Variants in ASB1 observed in about 807,000 individuals in gnomAD.
The protein encoded by ASB1 is ankyrin repeat and SOCS box containing 1.
Under a neutral mutation model 27.7 loss-of-function variants are expected in ASB1, and 18 were observed. The ratio of observed to expected loss-of-function variants is 0.65; its 90% CI spans 0.45 to 0.96. The LOEUF (loss-of-function observed/expected upper bound fraction) is 0.96, where lower values mean the gene tolerates loss of function less well. Among genes scored for constraint, ASB1 ranks in the 50% least tolerant of loss-of-function variants. The probability of loss-of-function intolerance (pLI) is 0.00; values close to 1 mark genes in which losing one functional copy is unlikely to be tolerated. For synonymous variants in ASB1, 189 were observed against 187.6 expected, an observed-to-expected ratio of 1.01 and a Z score of -0.06; for missense variants, 397 against 451.7, an observed-to-expected ratio of 0.88 and a Z score of 1.10.
chr2:238,446,297 G>A (rs1702178751), intron 4 of ASB1, 87 bp from the exon 5 acceptor site: 2 of 1,453,476 alleles, frequency 1.4e-6, no homozygotes, highest in South Asian at 1.4e-5. Flanking sequence ...GTGCACTTCT[G>A]GCTGGCAGTC....
chr2:238,435,325 G>T (rs912442234), intron 2 of ASB1: 4 of 219,288 alleles, frequency 1.8e-5, no homozygotes, highest in Non-Finnish European at 2.7e-5. Context: ...CTGGGGAAGA[G>T]CAGCCTAGGG....
chr2:238,433,442 T>G (rs904331366), intron 1 of ASB1, 112 bp from the exon 2 acceptor site: 1 of 1,303,060 alleles, frequency 7.7e-7, no homozygotes, highest in African/African-American at 1.5e-5. Flanking sequence ...TCTTGAGCAT[T>G]TGAAGGTGCC....
At chr2:238,443,440 A>G (rs1179154518) in intron 3 of ASB1, among the ~76,000 whole-genome samples, 1 of 152,142 alleles carries the variant, frequency 6.6e-6, no homozygotes, top group East Asian at 1.9e-4. Context: ...TTTCAGACAC[A>G]TTGTATCCTC....
intron 4 of ASB1, among the ~76,000 whole-genome samples, chr2:238,445,192 T>G (rs938823586): frequency 1.3e-5 from 2 of 152,036 alleles, no homozygotes; most frequent in Non-Finnish European, 2.9e-5. Flanking sequence ...TTGCCCAGGC[T>G]TGTGTTGAAC....
At chr2:238,433,455 G>A (rs41264155) in intron 1 of ASB1, 99 bp from the exon 2 acceptor site, 152,373 of 1,433,046 alleles carry the variant, frequency 0.11, 9,229 homozygotes, top group Non-Finnish European at 0.12. Flanking sequence ...AAGGTGCCCC[G>A]TAGCTGGGAG....
At chr2:238,442,409 G>A (rs867659511) in intron 3 of ASB1, among the ~76,000 whole-genome samples, 11 of 152,206 alleles carry the variant, frequency 7.2e-5, no homozygotes, top group African/African-American at 1.9e-4. Flanking sequence ...ACCACGCCCC[G>A]CCCCATCTCT....
intron 3 of ASB1, among the ~76,000 whole-genome samples, chr2:238,438,756 T>C (rs576396332): frequency 6.6e-6 from 1 of 152,364 alleles, no homozygotes; most frequent in African/African-American, 2.4e-5. Context: ...TCTTTCACTG[T>C]TGCAATTTTC....
intron 3 of ASB1, among the ~76,000 whole-genome samples, chr2:238,438,654 A>G (rs1559414352): frequency 1.3e-5 from 2 of 152,258 alleles, no homozygotes; most frequent in South Asian, 4.1e-4. Context: ...CTTGGATAGT[A>G]GAGTGATACG....
At position 238,444,418 on chromosome 2, in the gene ASB1, T is replaced by C. The variant is rs1331963672; in HGVS notation, c.571T>C (p.Leu191=). ...TCGATTCTCCCGGCGGCTCACCTCC[T>C]TGGTGGTCTGCCCCTTGTACATCAG... ...QPRFSRRLTS[L]VVCPLYISAA... is the part of the protein sequence containing the mutation. Residue 191 remains leucine (L), a synonymous_variant, in exon 4 of 5, where the codon TTG becomes CTG. Transcript: ENST00000264607. The C allele has an allele frequency of 1.2e-6, 2 of 1,613,872 alleles. No individual in the cohort carries two copies. Among genetic ancestry groups the C allele is most frequent in the Non-Finnish European group, 1.7e-6 (2 of 1,179,930 alleles).
intron 1 of ASB1, among the ~76,000 whole-genome samples, chr2:238,431,794 G>A (rs62196702): frequency 6.6e-6 from 1 of 152,168 alleles, no homozygotes; most frequent in African/African-American, 2.4e-5. Context: ...CACAGACCAC[G>A]TTGATGGATT....
At position 238,447,787 on chromosome 2, in the gene ASB1, T is replaced by G. The variant is rs1702207951; in HGVS notation, c.*1276T>G. 1.3e-5 allele frequency: 2 copies of G among 152,244 alleles called. No individual in the cohort carries two copies. The highest frequency in any genetic ancestry group is 2.9e-5 in the Non-Finnish European group (2 of 68,046). 9.4% of individuals were successfully genotyped at this position (152,244 alleles called of 1,614,324 possible). A position where few individuals can be genotyped will look rare whatever the true frequency, so the allele number is the denominator to read the frequency against. Reference sequence around the variant, plus strand: ...TTTTCTGTAATAAGAGAAATCCAATTTGTAAAACTTGAACAATGATACCGT... The same window carrying G: ...TTTTCTGTAATAAGAGAAATCCAATGTGTAAAACTTGAACAATGATACCGT... On this transcript the variant is annotated 3_prime_UTR_variant, in exon 5 of 5. Coordinates refer to ENST00000264607, the MANE Select transcript of ASB1 (RefSeq NM_001040445.3).
chr2:238,429,937 C>A (rs901636349), intron 1 of ASB1, among the ~76,000 whole-genome samples: 383 of 132,394 alleles, frequency 2.9e-3, no homozygotes, highest in African/African-American at 5.0e-3. Context: ...GACTCCGTCT[C>A]AAAAAAAAAA....
At chr2:238,427,398 G>C (rs1358906722) in intron 1 of ASB1, 7 of 354,334 alleles carry the variant, frequency 2.0e-5, no homozygotes, top group Non-Finnish European at 3.5e-5. Context: ...CCCGTTAGCC[G>C]ATACAGATTT....
Position 238,449,877 on chromosome 2 carries a change from C to G in ASB1, c.*3366C>G, listed in dbSNP as rs894812058. ...TTCTTGAGAGAAGGAGAGGAAGATA[C>G]AGCAGACATAGGACTGAGCCAAGGA... On this transcript the variant is annotated 3_prime_UTR_variant, in exon 5 of 5. Coordinates refer to ENST00000264607, the MANE Select transcript of ASB1 (RefSeq NM_001040445.3). 3 of 152,212 alleles carry G rather than the reference C, an allele frequency of 2.0e-5. No homozygotes were observed. The highest frequency in any genetic ancestry group is 7.2e-5 in the African/African-American group (3 of 41,454). The allele number at this position is 152,212 out of a possible 1,614,324, so 9.4% of individuals were successfully genotyped here.
intron 3 of ASB1, among the ~76,000 whole-genome samples, chr2:238,442,558 C>T (rs1208970247): frequency 1.3e-5 from 2 of 152,116 alleles, no homozygotes; most frequent in Non-Finnish European, 2.9e-5. Context: ...CATGCTTATG[C>T]TATGCAAGAG....
chr2:238,430,711 G>C (rs1243297908), intron 1 of ASB1, among the ~76,000 whole-genome samples: 4 of 152,338 alleles, frequency 2.6e-5, no homozygotes, highest in African/African-American at 7.2e-5. Context: ...ATGATAACAC[G>C]TGAAAGTCAG....
chr2:238,428,143 A>G (rs1352450430), intron 1 of ASB1, among the ~76,000 whole-genome samples: 1 of 152,246 alleles, frequency 6.6e-6, no homozygotes, highest in Non-Finnish European at 1.5e-5. Flanking sequence ...GACTTCAGAG[A>G]CAGCCAGGAC....
At chr2:238,440,975 T>C (rs1467500677) in intron 3 of ASB1, among the ~76,000 whole-genome samples, 1 of 152,202 alleles carries the variant, frequency 6.6e-6, no homozygotes, top group Non-Finnish European at 1.5e-5. Context: ...CTGTGCGTCC[T>C]GGCCTGGGGC....
rs57391955 is a variant in ASB1, at chr2:238,438,199, A to ATTTTT, written c.494+2200_494+2204dup. Among the ~76,000 whole-genome samples, 9 of 98,204 alleles carry ATTTTT rather than the reference A, an allele frequency of 9.2e-5. 1 individual carries two copies. The highest frequency in any genetic ancestry group is 5.6e-4 in the East Asian group (2 of 3,558). The allele number at this position is 98,204 out of a possible 152,430, so 64.4% of individuals were successfully genotyped here. A position where few individuals can be genotyped will look rare whatever the true frequency, so the allele number is the denominator to read the frequency against. On this transcript the variant is annotated intron_variant, in intron 3 of 4. Transcript: ENST00000264607. ...AGAAGTACATATACAGATGCCCTTC[A>ATTTTT]TTTTTTTTTTTTTTTTTTGAGACGG...
Sources: allele counts gnomAD v4.1 joint callset (sites outside exome capture counted in the v4.1 genomes callset), GRCh38; gene constraint gnomAD v4.1.1; transcripts MANE v1.5; gene names NCBI Gene and HGNC (gene_info 2026-07-23, HGNC 2026-07-21).